The following DGKI variants were observed in gnomAD, a reference collection of about 807,000 sequenced individuals.
The protein encoded by DGKI is DAG kinase iota.
DGKI carries 55 observed loss-of-function variants against 147.5 expected under a neutral mutation model. The observed-to-expected ratio is 0.37, with a 90% confidence interval of 0.30 to 0.47. DGKI has a LOEUF of 0.47. Ranked by LOEUF, DGKI falls within the 20% of genes least tolerant of loss-of-function variation. The pLI, the probability that DGKI is intolerant of heterozygous loss-of-function variation, is 1.00. For missense variants in DGKI, 1,007 were observed against 1,323.8 expected, an observed-to-expected ratio of 0.76 and a Z score of 3.71; for synonymous variants, 469 against 477.1, an observed-to-expected ratio of 0.98 and a Z score of 0.22.
intron 1 of DGKI, 129 bp from the exon 2 acceptor site, chr7:137,690,131 ACCAAAGTATTGGAATATACCTC>A: frequency 1.6e-6 from 1 of 631,980 alleles, no homozygotes; most frequent in Non-Finnish European, 2.6e-6. Context: ...GAAAATCTTT[ACCAAAGTATTGGAATATACCTC>A]TCTAAAGTGC....
At chr7:137,445,260 G>A (rs1813669715) in intron 27 of DGKI, among the ~76,000 whole-genome samples, 1 of 152,212 alleles carries the variant, frequency 6.6e-6, no homozygotes, top group Admixed American at 6.5e-5. Flanking sequence ...TAAAGACACA[G>A]TGGTAAAGGA....
chr7:137,709,371 C>T (rs1585395331), intron 1 of DGKI, among the ~76,000 whole-genome samples: 1 of 152,186 alleles, frequency 6.6e-6, no homozygotes, highest in East Asian at 1.9e-4. Context: ...TATATGTAAA[C>T]ACTTCTGGCA....
intron 19 of DGKI, among the ~76,000 whole-genome samples, chr7:137,563,765 C>T (rs1183134282): frequency 6.6e-6 from 1 of 151,894 alleles, no homozygotes; most frequent in African/African-American, 2.4e-5. Flanking sequence ...TGCACTGAAG[C>T]TACAAAACAT....
chr7:137,504,548 G>T (rs1816299359), intron 21 of DGKI, among the ~76,000 whole-genome samples: 1 of 152,126 alleles, frequency 6.6e-6, no homozygotes, highest in African/African-American at 2.4e-5. Context: ...AATAGGAAAG[G>T]TATTGAACAA....
intron 1 of DGKI, among the ~76,000 whole-genome samples, chr7:137,741,431 A>G (rs1041812150): frequency 6.6e-5 from 10 of 152,214 alleles, no homozygotes; most frequent in Admixed American, 1.3e-4. Flanking sequence ...ACACTTAAAG[A>G]AGAAAATTAA....
Position 137,552,509 on chromosome 7 carries a change from A to G in DGKI, c.2007T>C (p.Leu669=). Reference sequence around the variant, plus strand: ...GCATGGGGATGGATTTGTAAGTTAGAAGCATGACTTCTCGACACTGGTGTA... The same window carrying G: ...GCATGGGGATGGATTTGTAAGTTAGGAGCATGACTTCTCGACACTGGTGTA... ...ERLHQCREVM[L]LTYKSIPMQV... Residue 669 remains leucine, a synonymous_variant, in exon 20 of 33, where the codon CTT becomes CTC. Transcript: ENST00000614521. 6.2e-7 allele frequency: 1 copy of G among 1,614,184 alleles called. No homozygotes were observed. Among genetic ancestry groups the G allele is most frequent in the African/African-American group, 1.3e-5 (1 of 75,036 alleles).
intron 6 of DGKI, among the ~76,000 whole-genome samples, chr7:137,625,568 T>C (rs1000982287): frequency 6.6e-6 from 1 of 152,022 alleles, no homozygotes; most frequent in Admixed American, 6.6e-5. Context: ...GTTTCTCCAA[T>C]TGACAGCACA....
At chr7:137,471,034 T>C (rs537831162) in intron 23 of DGKI, among the ~76,000 whole-genome samples, 2 of 152,356 alleles carry the variant, frequency 1.3e-5, no homozygotes, top group East Asian at 1.9e-4. Flanking sequence ...GGATTTTCTC[T>C]TTAAGATTCC....
At chr7:137,667,140 C>T (rs1822667853) in intron 3 of DGKI, among the ~76,000 whole-genome samples, 1 of 151,954 alleles carries the variant, frequency 6.6e-6, no homozygotes, top group Non-Finnish European at 1.5e-5. Flanking sequence ...ATTATTTGTG[C>T]CAGCAGGTCA....
chr7:137,513,345 A>T (rs1816641476), intron 21 of DGKI, among the ~76,000 whole-genome samples: 1 of 152,118 alleles, frequency 6.6e-6, no homozygotes, highest in African/African-American at 2.4e-5. Flanking sequence ...CTGCTCCTGC[A>T]TTTGGCCCTC....
rs573037297 is a variant in DGKI at position 137,609,471 on chromosome 7, T to C, written c.1068+64A>G. 213 of 1,290,958 alleles carry C rather than the reference T, an allele frequency of 1.6e-4. 2 individuals are homozygous for C. The highest frequency in any genetic ancestry group is 1.6e-3 in the South Asian group (129 of 81,162). The allele number at this position is 1,290,958 out of a possible 1,614,324, so 80.0% of individuals were successfully genotyped here. ...AAAAATCAACTTGGACCAGATCTCA[T>C]AGGACAGAGTAGACTATGGAAAGAA... On this transcript the variant is annotated intron_variant, in intron 9 of 32. Coordinates refer to ENST00000614521, the MANE Select transcript of DGKI (RefSeq NM_001321708.2).
chr7:137,571,485 T>C (rs1019878403), intron 18 of DGKI, among the ~76,000 whole-genome samples, 199 bp from the exon 19 acceptor site: 1 of 152,240 alleles, frequency 6.6e-6, no homozygotes, highest in African/African-American at 2.4e-5. Flanking sequence ...GGCCATAATT[T>C]TGCAACAAAA....
rs576042181 is a variant in DGKI, at chr7:137,523,601, A to C, written c.2148-1635T>G. On this transcript the variant is annotated intron_variant, in intron 20 of 32. Transcript: ENST00000614521. ...AATCAGTATAAAACTACAGAGATGG[A>C]TATTTCTGGGGGAAATTTGAAAAGA... is the stretch of plus-strand genomic sequence containing the variant. 3.3e-5 allele frequency among the ~76,000 whole-genome samples: 5 copies of C among 152,272 alleles called. No individual in the cohort carries two copies. In the East Asian group the frequency reaches 9.7e-4, roughly 29 times the overall value.
rs375643494 is a variant in DGKI at position 137,587,082 on chromosome 7, G to C, written c.1425+15C>G. On this transcript the variant is annotated intron_variant, in intron 13 of 32. Transcript: ENST00000614521. The stretch of plus-strand genomic sequence containing the variant: ...TTGTTTGATGATATGGGCAGTCCCC[G>C]AGAGCAGTTCTTACCCCTCCCCAGT... The C allele has an allele frequency of 1.9e-6, 3 of 1,560,784 alleles. No homozygotes were observed. In the South Asian group the frequency reaches 3.6e-5, roughly 19 times the overall value.
At chr7:137,588,407 T>G (rs1029580248) in intron 12 of DGKI, among the ~76,000 whole-genome samples, 1 of 151,302 alleles carries the variant, frequency 6.6e-6, no homozygotes, top group Non-Finnish European at 1.5e-5. Context: ...TGAGCTAGGC[T>G]GTGACAGATA....
intron 29 of DGKI, among the ~76,000 whole-genome samples, chr7:137,411,956 A>C (rs1338644894): frequency 6.6e-6 from 1 of 152,184 alleles, no homozygotes; most frequent in Non-Finnish European, 1.5e-5. Flanking sequence ...CATCCTGGGG[A>C]CATGCAGTTC....
chr7:137,822,556 G>A (rs967362231), intron 1 of DGKI, among the ~76,000 whole-genome samples: 17 of 152,030 alleles, frequency 1.1e-4, no homozygotes, highest in African/African-American at 3.9e-4. Context: ...AGGACCCCAC[G>A]GTGAAGCATA....
chr7:137,597,482 T>C (rs1337057127), intron 12 of DGKI, among the ~76,000 whole-genome samples: 1 of 152,164 alleles, frequency 6.6e-6, no homozygotes, highest in East Asian at 1.9e-4. Context: ...TTCAATTGTG[T>C]CCACGTATTT....
At chr7:137,700,836 CCACTGCACTCCAG>C (rs1823953148) in intron 1 of DGKI, among the ~76,000 whole-genome samples, 1 of 151,972 alleles carries the variant, frequency 6.6e-6, no homozygotes, top group Non-Finnish European at 1.5e-5. Flanking sequence ...TGAGATGGCG[CCACTGCACTCCAG>C]CCTGGGCGAC....
Sources: gnomAD v4.1 joint callset for allele counts (sites outside exome capture counted in the v4.1 genomes callset) on GRCh38, gnomAD v4.1.1 for gene constraint, MANE v1.5 for transcripts, NCBI Gene and HGNC (gene_info 2026-07-23, HGNC 2026-07-21) for gene names.